Variants in ADGRV1 observed in about 807,000 individuals in gnomAD.
ADGRV1 encodes the protein adhesion G protein-coupled receptor V1, also known as G-protein coupled receptor 98.
In ADGRV1, 359 loss-of-function variants were observed where a neutral mutation model predicts 596.2. That is an observed-to-expected ratio of 0.60 (90% CI 0.55 to 0.66). The LOEUF is 0.66. ADGRV1 is among the 30% of genes least tolerant of loss of function. The pLI is 0.00. For missense variants in ADGRV1, 7,274 were observed against 7,575.6 expected, an observed-to-expected ratio of 0.96 and a Z score of 1.48; for synonymous variants, 2,681 against 2,679.2, an observed-to-expected ratio of 1.00 and a Z score of -0.02.
chr5:90,905,619 A>G (rs1772249067), intron 83 of ADGRV1, among the ~76,000 whole-genome samples: 1 of 152,044 alleles, frequency 6.6e-6, no homozygotes, highest in Non-Finnish European at 1.5e-5. Context: ...TATCAGTTCT[A>G]AGATTTTATT....
chr5:90,969,458 G>A (rs1778760882), intron 84 of ADGRV1, among the ~76,000 whole-genome samples: 1 of 152,168 alleles, frequency 6.6e-6, no homozygotes, highest in South Asian at 2.1e-4. Context: ...TAGCAAGCTG[G>A]AGAACCTTTA....
chr5:91,041,368 C>T (rs1785334834), intron 85 of ADGRV1, among the ~76,000 whole-genome samples: 3 of 152,042 alleles, frequency 2.0e-5, no homozygotes, highest in Admixed American at 1.3e-4. Flanking sequence ...CTATCATTCT[C>T]AGCAAACTAA....
chr5:90,732,436 C>CTA (rs1752673801), intron 50 of ADGRV1, among the ~76,000 whole-genome samples: 1 of 152,100 alleles, frequency 6.6e-6, no homozygotes, highest in Non-Finnish European at 1.5e-5. Context: ...TTAACCCATC[C>CTA]ATTACCTCAC....
intron 84 of ADGRV1, among the ~76,000 whole-genome samples, chr5:90,970,162 C>T (rs1778833247): frequency 6.6e-6 from 1 of 152,220 alleles, no homozygotes; most frequent in Non-Finnish European, 1.5e-5. Context: ...TGCAAGGCAG[C>T]AGCGAGGCTG....
At chr5:90,580,833 A>G (rs1403853980) in intron 1 of ADGRV1, among the ~76,000 whole-genome samples, 2 of 151,000 alleles carry the variant, frequency 1.3e-5, no homozygotes. Context: ...CCTGGATAAT[A>G]TCCTGAAGAG....
chr5:90,799,682 T>C (rs1235913365), intron 70 of ADGRV1, among the ~76,000 whole-genome samples: 1 of 152,226 alleles, frequency 6.6e-6, no homozygotes, highest in East Asian at 1.9e-4. Flanking sequence ...CAAACTACAC[T>C]ACAAGCCTAC....
At chr5:90,966,821 C>T (rs953188775) in intron 84 of ADGRV1, among the ~76,000 whole-genome samples, 2 of 152,182 alleles carry the variant, frequency 1.3e-5, no homozygotes, top group Non-Finnish European at 1.5e-5. Context: ...AGTGGCTCAA[C>T]TAAAATGCTG....
intron 11 of ADGRV1, 128 bp from the exon 12 acceptor site, chr5:90,642,508 A>G (rs1013817501): frequency 3.3e-6 from 3 of 911,160 alleles, no homozygotes; most frequent in Non-Finnish European, 5.0e-6. Context: ...GAATTCACTT[A>G]AGGTCTAATT....
chr5:90,860,157 A>G (rs2443088), intron 82 of ADGRV1, among the ~76,000 whole-genome samples: 149,189 of 152,182 alleles, frequency 0.98, 73,191 homozygotes, highest in East Asian at 1. Flanking sequence ...AGTGGCTATT[A>G]TATTGAACAG....
At chr5:90,661,225 A>G (rs1480121528) in intron 21 of ADGRV1, among the ~76,000 whole-genome samples, 1 of 152,248 alleles carries the variant, frequency 6.6e-6, no homozygotes. Context: ...CCACGTAATT[A>G]TAAATTAATG....
Position 90,601,013 on chromosome 5 carries a change from G to A in ADGRV1, c.23-13822G>A, listed in dbSNP as rs190991341. 2.6e-3 allele frequency among the ~76,000 whole-genome samples: 393 copies of A among 152,228 alleles called. 2 individuals are homozygous for A. The highest frequency in any genetic ancestry group is 8.4e-3 in the African/African-American group (349 of 41,554). The stretch of plus-strand genomic sequence containing the variant: ...GCACTTTGGGAGGCCGAGGCGGGTG[G>A]ATCACCCGAGGTCGGGAGTTCAAGA... On this transcript the variant is annotated intron_variant, in intron 1 of 89. Transcript: ENST00000405460.
chr5:90,916,197 A>C (rs1453567134), intron 83 of ADGRV1, among the ~76,000 whole-genome samples: 2 of 151,770 alleles, frequency 1.3e-5, no homozygotes, highest in Non-Finnish European at 2.9e-5. Context: ...CATCCCAGTG[A>C]GTTGTTTAGA....
At chr5:90,847,977 G>A (rs1766084217) in intron 78 of ADGRV1, among the ~76,000 whole-genome samples, 1 of 152,208 alleles carries the variant, frequency 6.6e-6, no homozygotes, top group African/African-American at 2.4e-5. Flanking sequence ...GAGGCACCGA[G>A]AGTGAGCGAG....
intron 83 of ADGRV1, among the ~76,000 whole-genome samples, chr5:90,908,439 A>G (rs1337282196): frequency 6.6e-6 from 1 of 152,190 alleles, no homozygotes; most frequent in Non-Finnish European, 1.5e-5. Flanking sequence ...TTATGCTAGC[A>G]AATACTAGTA....
chr5:90,949,365 A>G (rs1456370956), intron 83 of ADGRV1, among the ~76,000 whole-genome samples: 4 of 152,176 alleles, frequency 2.6e-5, no homozygotes, highest in African/African-American at 9.6e-5. Flanking sequence ...TTAAACTTCC[A>G]TCTAAAAAAT....
chr5:90,783,058 T>C, intron 65 of ADGRV1, 66 bp from the exon 66 acceptor site: 9 of 1,303,868 alleles, frequency 6.9e-6, no homozygotes. Flanking sequence ...CAGGTTTAAT[T>C]TGGCTGAATC....
chr5:91,079,280 A>G (rs918446906), intron 86 of ADGRV1, among the ~76,000 whole-genome samples: 2 of 152,190 alleles, frequency 1.3e-5, no homozygotes, highest in Non-Finnish European at 1.5e-5. Flanking sequence ...CTCCCACTCA[A>G]GCTTGAAAAA....
At chr5:90,841,239 A>T (rs988286669) in intron 78 of ADGRV1, among the ~76,000 whole-genome samples, 2 of 152,100 alleles carry the variant, frequency 1.3e-5, no homozygotes, top group Non-Finnish European at 2.9e-5. Flanking sequence ...AGCCTAGTGC[A>T]TGAAAAAAAA....
chr5:90,877,305 G>A (rs559681500), intron 83 of ADGRV1, among the ~76,000 whole-genome samples: 12 of 152,342 alleles, frequency 7.9e-5, no homozygotes, highest in African/African-American at 2.9e-4. Context: ...GTTAAGAGCT[G>A]ATGGTGAGGA....
Sources: gnomAD v4.1 joint callset for allele counts (sites outside exome capture counted in the v4.1 genomes callset) on GRCh38, gnomAD v4.1.1 for gene constraint, MANE v1.5 for transcripts, NCBI Gene and HGNC (gene_info 2026-07-23, HGNC 2026-07-21) for gene names.